The following PXDNL variants were observed in gnomAD, a reference collection of about 807,000 sequenced individuals.
PXDNL encodes probable oxidoreductase PXDNL.
PXDNL carries 145 observed loss-of-function variants against 150.8 expected under a neutral mutation model. That is an observed-to-expected ratio of 0.96 (90% CI 0.84 to 1.10). The LOEUF (loss-of-function observed/expected upper bound fraction) is 1.10. Among genes scored for constraint, PXDNL ranks in the 50% least tolerant of loss-of-function variants. PXDNL has a pLI of 0.00. For missense variants in PXDNL, 2,087 were observed against 1,873.9 expected (o/e 1.11, Z -2.10); for synonymous variants, 757 against 725.7 (o/e 1.04, Z -0.69).
intron 11 of PXDNL, among the ~76,000 whole-genome samples, chr8:51,447,707 C>G (rs891288473): frequency 1.3e-5 from 2 of 152,260 alleles, no homozygotes; most frequent in East Asian, 1.9e-4. Context: ...ACACTTTACT[C>G]TTATGGTCAT....
At chr8:51,411,646 T>A (rs1235807136) in intron 15 of PXDNL, among the ~76,000 whole-genome samples, 1 of 152,186 alleles carries the variant, frequency 6.6e-6, no homozygotes, top group Non-Finnish European at 1.5e-5. Context: ...GAATGGATGA[T>A]TTAAACAATA....
At chr8:51,498,763 C>G (rs1206813751) in intron 5 of PXDNL, among the ~76,000 whole-genome samples, 1 of 152,184 alleles carries the variant, frequency 6.6e-6, no homozygotes, top group Non-Finnish European at 1.5e-5. Flanking sequence ...AGGTAAGCAC[C>G]ATTCAACTTC....
intron 12 of PXDNL, among the ~76,000 whole-genome samples, chr8:51,430,579 A>G (rs1809224595): frequency 6.6e-6 from 1 of 152,200 alleles, no homozygotes; most frequent in African/African-American, 2.4e-5. Flanking sequence ...AACTTTTGCT[A>G]CAGAACTTGA....
chr8:51,432,925 C>T (rs541367439), intron 12 of PXDNL, among the ~76,000 whole-genome samples: 9 of 146,988 alleles, frequency 6.1e-5, no homozygotes, highest in Admixed American at 2.0e-4. Flanking sequence ...AGGAATATTT[C>T]GGCCAGGCGC....
At chr8:51,483,825 T>G in intron 5 of PXDNL, 111 bp from the exon 6 acceptor site, 1 of 658,222 alleles carries the variant, frequency 1.5e-6, no homozygotes, top group South Asian at 1.9e-5. Context: ...AATATTTCAG[T>G]GAGAAAGGGC....
Position 51,443,792 on chromosome 8 carries a change from A to G in PXDNL, c.1525+3212T>C, listed in dbSNP as rs531859875. ...GAATAAAATATTACCTCACAAAGAC[A>G]TGTTTTCAAAAGTATAGGAGTATTT... On this transcript the variant is annotated intron_variant, in intron 12 of 22. Transcript: ENST00000356297. Among the ~76,000 whole-genome samples the G allele has an allele frequency of 1.9e-3, 295 of 152,352 alleles. 3 individuals are homozygous for G. Among genetic ancestry groups the G allele is most frequent in the Admixed American group, 4.0e-3 (61 of 15,300 alleles).
At chr8:51,464,323 C>G (rs1205524614) in intron 8 of PXDNL, among the ~76,000 whole-genome samples, 1 of 4,784 alleles carries the variant, frequency 2.1e-4, no homozygotes, top group African/African-American at 3.8e-4. Flanking sequence ...ATGGTTGCAC[C>G]ATTACAATTT....
chr8:51,726,984 C>G (rs1054396292), intron 1 of PXDNL, among the ~76,000 whole-genome samples: 1 of 152,168 alleles, frequency 6.6e-6, no homozygotes, highest in African/African-American at 2.4e-5. Context: ...AATGACAGAA[C>G]AATCATGGTC....
At chr8:51,607,174 T>C (rs145278239) in intron 2 of PXDNL, among the ~76,000 whole-genome samples, 1 of 152,230 alleles carries the variant, frequency 6.6e-6, no homozygotes, top group East Asian at 1.9e-4. Flanking sequence ...TCCCACAGAC[T>C]GATCTGTATA....
intron 1 of PXDNL, among the ~76,000 whole-genome samples, chr8:51,668,434 C>T (rs577931347): frequency 1.3e-5 from 2 of 152,180 alleles, no homozygotes; most frequent in East Asian, 3.9e-4. Context: ...CTCGGCCTCC[C>T]AAAGTCCTGG....
intron 22 of PXDNL, among the ~76,000 whole-genome samples, 197 bp from the exon 23 acceptor site, chr8:51,320,219 G>C (rs1454262765): frequency 6.6e-6 from 1 of 152,152 alleles, no homozygotes. Context: ...CGAACAGCAA[G>C]CCTGCCCTAT....
intron 4 of PXDNL, among the ~76,000 whole-genome samples, chr8:51,522,566 C>T (rs1811684104): frequency 6.6e-6 from 1 of 152,038 alleles, no homozygotes; most frequent in Non-Finnish European, 1.5e-5. Flanking sequence ...AATGTAAGGC[C>T]GGGGCGGTGG....
intron 1 of PXDNL, among the ~76,000 whole-genome samples, chr8:51,690,817 C>A (rs1329837748): frequency 6.6e-6 from 1 of 151,992 alleles, no homozygotes; most frequent in Non-Finnish European, 1.5e-5. Context: ...TTCTCCACAT[C>A]CTCTCTAGCA....
intron 4 of PXDNL, among the ~76,000 whole-genome samples, chr8:51,552,172 C>A (rs868788196): frequency 6.6e-6 from 1 of 151,880 alleles, no homozygotes; most frequent in Non-Finnish European, 1.5e-5. Flanking sequence ...ATTAAAAAAC[C>A]AAAAAATATC....
chr8:51,410,128 G>T (rs542547978), intron 16 of PXDNL, among the ~76,000 whole-genome samples: 1 of 152,278 alleles, frequency 6.6e-6, no homozygotes, highest in Non-Finnish European at 1.5e-5. Context: ...TGGATCATGT[G>T]AATATTAACC....
At chr8:51,671,031 A>G (rs1563501973) in intron 1 of PXDNL, among the ~76,000 whole-genome samples, 2 of 152,212 alleles carry the variant, frequency 1.3e-5, no homozygotes, top group Non-Finnish European at 2.9e-5. Flanking sequence ...TAAACCAAGT[A>G]TTGGGTTCAA....
chr8:51,649,224 T>A (rs779503786), intron 2 of PXDNL, among the ~76,000 whole-genome samples: 1 of 152,182 alleles, frequency 6.6e-6, no homozygotes, highest in Non-Finnish European at 1.5e-5. Context: ...AAAACGGCAG[T>A]AGTTGCAGCA....
chr8:51,361,962 A>AAAAAAAAAAAAG (rs1554529506), intron 19 of PXDNL, among the ~76,000 whole-genome samples: 1 of 148,462 alleles, frequency 6.7e-6, no homozygotes, highest in Non-Finnish European at 1.5e-5. Flanking sequence ...AAAAAAAAAA[A>AAAAAAAAAAAAG]AAAGAAAAGA....
At chr8:51,683,280 C>T (rs1370871794) in intron 1 of PXDNL, among the ~76,000 whole-genome samples, 3 of 142,804 alleles carry the variant, frequency 2.1e-5, no homozygotes, top group East Asian at 2.2e-4. Flanking sequence ...TCAATTGAGG[C>T]GATACCTCAC....
Sources: gnomAD v4.1 joint callset for allele counts (sites outside exome capture counted in the v4.1 genomes callset) on GRCh38, gnomAD v4.1.1 for gene constraint, MANE v1.5 for transcripts, NCBI Gene and HGNC (gene_info 2026-07-23, HGNC 2026-07-21) for gene names.